POLA1: variants seen among roughly 807,000 people sequenced by gnomAD.
The protein encoded by POLA1 is DNA polymerase alpha catalytic subunit.
A neutral mutation model predicts 124.0 loss-of-function variants in POLA1; 15 were observed. The ratio of observed to expected loss-of-function variants is 0.12; its 90% CI spans 0.08 to 0.19. The LOEUF is 0.19. POLA1 is among the 10% of genes least tolerant of loss of function. POLA1 has a pLI of 1.00. For synonymous variants in POLA1, 408 were observed against 389.4 expected (o/e 1.05, Z -0.56); for missense variants, 886 against 1,103.4 (o/e 0.80, Z 2.79).
At chrX:24,711,936 T>C (rs1929478204) in intron 4 of POLA1, among the ~76,000 whole-genome samples, 2 of 112,298 alleles carry the variant, frequency 1.8e-5, no homozygotes, top group African/African-American at 6.5e-5. Context: ...GCCTATTCTT[T>C]ATAGGAGCTG....
intron 26 of POLA1, chrX:24,788,847 C>T (rs755673432): frequency 1.8e-5 from 22 of 1,191,709 alleles, no homozygotes; most frequent in East Asian, 1.2e-4. Context: ...TTGCCCAAAG[C>T]TTTCTTCACT....
At chrX:24,780,237 C>T (rs1450312762) in intron 26 of POLA1, among the ~76,000 whole-genome samples, 3 of 111,941 alleles carry the variant, frequency 2.7e-5, no homozygotes, top group East Asian at 5.6e-4. Context: ...CCTTCCTCTT[C>T]ACTTTTTTGG....
In POLA1 at chrX:24,732,382, G is replaced by A. The variant is rs935104632; in HGVS notation, c.1699G>A (p.Ala567Thr). The part of the protein sequence containing the change: ...KNHQNEIIAM[A>T]ALVHHSFALD... ...CCTTTCTTTGCAGATTATTGCTATG[G>A]CAGCTTTGGTCCATCACAGTTTTGC... The change falls in exon 16 of 37, where the codon GCA (alanine) becomes ACA (threonine). Residue 567 changes from alanine to threonine, a missense_variant. Around this residue, in one of 7 missense-constraint regions of POLA1, gnomAD observed 337 missense variants for 402.8 expected, o/e 0.84. Coordinates refer to ENST00000379068, the MANE Select transcript of POLA1 (RefSeq NM_001330360.2). 1.7e-6 allele frequency: 2 copies of A among 1,190,806 alleles called. No homozygotes were observed. The highest frequency in any genetic ancestry group is 3.0e-5 in the East Asian group (1 of 33,684).
intron 35 of POLA1, among the ~76,000 whole-genome samples, chrX:24,909,585 AT>A (rs1247368060): frequency 3.6e-5 from 4 of 110,159 alleles, no homozygotes; most frequent in Non-Finnish European, 7.6e-5. Flanking sequence ...GTTCTGTTCC[AT>A]TGGTCTATAT....
At chrX:24,710,864 C>T (rs1443947449) in intron 4 of POLA1, among the ~76,000 whole-genome samples, 3 of 110,617 alleles carry the variant, frequency 2.7e-5, no homozygotes, top group Non-Finnish European at 5.7e-5. Context: ...CCGGGTTTCA[C>T]CATGTTGGTC....
chrX:24,725,978 C>T lies in POLA1; in HGVS notation c.1318-3C>T, dbSNP rs1367155202. Reference sequence around the variant, plus strand: ...GGATTTTTTAAAATATCTACTTACCCAGCCAGTGGAAAAGAACTATGCTTT... The same window carrying T: ...GGATTTTTTAAAATATCTACTTACCTAGCCAGTGGAAAAGAACTATGCTTT... On this transcript the variant is annotated splice_region_variant and splice_polypyrimidine_tract_variant and intron_variant, in intron 12 of 36. Transcript: ENST00000379068. The T allele has an allele frequency of 1.7e-6, 2 of 1,159,688 alleles. No individual in the cohort carries two copies. Among genetic ancestry groups the T allele is most frequent in the Non-Finnish European group, 2.3e-6 (2 of 853,443 alleles).
chrX:24,869,887 C>T (rs761896314), intron 34 of POLA1, among the ~76,000 whole-genome samples: 5 of 112,056 alleles, frequency 4.5e-5, no homozygotes, highest in Admixed American at 9.4e-5. Context: ...ATTCCCCAAG[C>T]GATGCTGTTG....
intron 35 of POLA1, among the ~76,000 whole-genome samples, chrX:24,926,488 A>T (rs965039735): frequency 8.9e-6 from 1 of 112,015 alleles, no homozygotes; most frequent in African/African-American, 3.2e-5. Flanking sequence ...GACCAAAAAA[A>T]TGCAAGTCAG....
intron 29 of POLA1, 80 bp downstream of exon 29, chrX:24,812,943 A>G: frequency 1.9e-6 from 1 of 515,795 alleles, no homozygotes; most frequent in Non-Finnish European, 3.3e-6. Context: ...ATGCTTATGA[A>G]TCTGTCAAGC....
intron 26 of POLA1, among the ~76,000 whole-genome samples, chrX:24,803,679 G>A (rs748753621): frequency 8.2e-5 from 9 of 110,313 alleles, no homozygotes; most frequent in Non-Finnish European, 1.5e-4. Flanking sequence ...TCCTTGTTAG[G>A]TACACTAGTA....
At chrX:24,749,860 A>G (rs937957352) in intron 26 of POLA1, among the ~76,000 whole-genome samples, 2 of 112,257 alleles carry the variant, frequency 1.8e-5, no homozygotes, top group Non-Finnish European at 3.8e-5. Flanking sequence ...TTTTAGTACT[A>G]TGTGCATGGG....
intron 35 of POLA1, among the ~76,000 whole-genome samples, chrX:24,918,140 C>T (rs1332284707): frequency 1.8e-5 from 2 of 108,219 alleles, no homozygotes; most frequent in Admixed American, 1.0e-4. Context: ...TGAGCAAAGA[C>T]CTCTCCAAAA....
At chrX:24,931,358 A>G (rs2147215529) in intron 36 of POLA1, among the ~76,000 whole-genome samples, 1 of 111,916 alleles carries the variant, frequency 8.9e-6, no homozygotes, top group East Asian at 2.8e-4. Flanking sequence ...AACAACCGCA[A>G]TGACATTAAA....
chrX:24,731,357 C>T (rs1451848168), intron 15 of POLA1, among the ~76,000 whole-genome samples: 1 of 111,932 alleles, frequency 8.9e-6, no homozygotes, highest in Non-Finnish European at 1.9e-5. Context: ...TTTTACATAT[C>T]AGCCATTACA....
At chrX:24,991,271 G>C (rs1329665366) in intron 36 of POLA1, among the ~76,000 whole-genome samples, 3 of 110,369 alleles carry the variant, frequency 2.7e-5, no homozygotes, top group Admixed American at 1.9e-4. Context: ...CAGCAAGGGG[G>C]CTGCATGGGC....
rs1177781141 is a variant in POLA1, at chrX:24,866,867, C to A, written c.4048-21139C>A. On this transcript the variant is annotated intron_variant, in intron 34 of 36. Coordinates refer to ENST00000379068, the MANE Select transcript of POLA1 (RefSeq NM_001330360.2). ...GCTTATTAAGATTTTTATCTTTATTCTTCTTATTTCTTAAATTATTTTAAA... is the reference window on the plus strand; with the variant it reads ...GCTTATTAAGATTTTTATCTTTATTATTCTTATTTCTTAAATTATTTTAAA... Among the ~76,000 whole-genome samples the A allele has an allele frequency of 5.4e-5, 6 of 111,245 alleles. No homozygotes were observed. In the East Asian group the frequency reaches 1.7e-3, roughly 31 times the overall value.
chrX:24,911,154 G>T (rs1340141285), intron 35 of POLA1, among the ~76,000 whole-genome samples: 2 of 112,099 alleles, frequency 1.8e-5, no homozygotes, highest in Non-Finnish European at 3.8e-5. Context: ...GAGGTATTAA[G>T]GAAGATTGGA....
intron 34 of POLA1, among the ~76,000 whole-genome samples, chrX:24,868,113 A>G (rs1383243804): frequency 1.8e-5 from 2 of 112,039 alleles, no homozygotes; most frequent in African/African-American, 6.5e-5. Flanking sequence ...TGCAAAGTTG[A>G]ATTATGAACA....
chrX:24,815,122 C>T lies in POLA1; in HGVS notation c.3429+11C>T. 8.4e-7 allele frequency: 1 copy of T among 1,197,046 alleles called. No individual in the cohort carries two copies. Among genetic ancestry groups the T allele is most frequent in the Non-Finnish European group, 1.1e-6 (1 of 886,575 alleles). ...TTTGAAATTAACAAGGTAAATGTAGCATTTATTGCTGAGCCCAGCTGCTGT... is the reference window on the plus strand; with the variant it reads ...TTTGAAATTAACAAGGTAAATGTAGTATTTATTGCTGAGCCCAGCTGCTGT... On this transcript the variant is annotated intron_variant, in intron 30 of 36. Coordinates refer to ENST00000379068, the MANE Select transcript of POLA1 (RefSeq NM_001330360.2).
Sources: gnomAD v4.1 joint callset for allele counts (sites outside exome capture counted in the v4.1 genomes callset) on GRCh38, gnomAD v4.1.1 for gene constraint, gnomAD v4.1.1 regional missense constraint, MANE v1.5 for transcripts, NCBI Gene and HGNC (gene_info 2026-07-23, HGNC 2026-07-21) for gene names.